SMYD1: variants seen among roughly 807,000 people sequenced by gnomAD.
SMYD1 encodes SET and MYND domain containing 1.
SMYD1 carries 49 observed loss-of-function variants against 54.0 expected under a neutral mutation model. The observed-to-expected ratio is 0.91, with a 90% CI of 0.72 to 1.15. The LOEUF is 1.15. Among genes scored for constraint, SMYD1 ranks in the 50% most tolerant of loss-of-function variants. The pLI, the probability that SMYD1 is intolerant of heterozygous loss-of-function variation, is 0.00. For synonymous variants in SMYD1, 269 were observed against 234.2 expected (o/e 1.15, Z -1.36); for missense variants, 653 against 639.6 (o/e 1.02, Z -0.23).
At chr2:88,102,507 A>C (rs767249983) in intron 6 of SMYD1, among the ~76,000 whole-genome samples, 20 of 152,200 alleles carry the variant, frequency 1.3e-4, no homozygotes, top group Non-Finnish European at 2.1e-4. Context: ...ATGCTAAGAC[A>C]TTTGGAAGAG....
chr2:88,091,042 C>G lies in SMYD1; in HGVS notation c.559C>G (p.Gln187Glu). 6.2e-7 allele frequency: 1 copy of G among 1,614,062 alleles called. No individual in the cohort carries two copies. The highest frequency in any genetic ancestry group is 8.5e-7 in the Non-Finnish European group (1 of 1,179,986). ...INCNGFTLSDQRGLQAVGVGI... is the reference protein window; with the variant it reads ...INCNGFTLSDERGLQAVGVGI... ...CTGCAACGGTTTTACTCTCAGTGAT[C>G]AGAGAGGCCTGCAGGCCGTGGGCGT... The change falls in exon 4 of 10, where the codon CAG becomes GAG. Residue 187 changes from glutamine (Q) to glutamate (E), a missense_variant. By Grantham distance (29) the Gln-to-Glu change is conservative (BLOSUM62 2). Transcript: ENST00000419482.
At chr2:88,092,045 C>G (rs1027996696) in intron 4 of SMYD1, among the ~76,000 whole-genome samples, 1 of 152,160 alleles carries the variant, frequency 6.6e-6, no homozygotes, top group Non-Finnish European at 1.5e-5. Context: ...TAGAGGGCCC[C>G]CAACAGCTCA....
chr2:88,088,218 T>A, intron 3 of SMYD1, 143 bp downstream of exon 3: 1 of 1,001,002 alleles, frequency 1.0e-6, no homozygotes. Context: ...TCTATTTCCA[T>A]AAAGGTCTCA....
intron 6 of SMYD1, among the ~76,000 whole-genome samples, chr2:88,100,058 TC>T (rs1214363505): frequency 2.1e-5 from 3 of 144,520 alleles, no homozygotes; most frequent in African/African-American, 5.2e-5. Flanking sequence ...CTCTGGCTCC[TC>T]CCCCCCTCTT....
At position 88,084,042 on chromosome 2, in the gene SMYD1, C is replaced by T. The variant is rs187016255; in HGVS notation, c.138-274C>T. The stretch of plus-strand genomic sequence containing the variant: ...CTGGGAGGCGGAGGTTGCAGTGAGC[C>T]GAGGTTGCAGTGAGCTGAGATCGTG... On this transcript the variant is annotated intron_variant, in intron 1 of 9. Coordinates refer to ENST00000419482, the MANE Select transcript of SMYD1 (RefSeq NM_198274.4). 2.5e-3 allele frequency among the ~76,000 whole-genome samples: 382 copies of T among 152,012 alleles called. 2 individuals are homozygous for T. Among genetic ancestry groups the T allele is most frequent in the Admixed American group, 6.2e-3 (95 of 15,280 alleles).
At position 88,087,952 on chromosome 2, in the gene SMYD1, C is replaced by T. The variant is rs138266399; in HGVS notation, c.405C>T (p.His135=). 2.5e-6 allele frequency: 4 copies of T among 1,614,120 alleles called. 1 individual carries two copies. In the South Asian group the frequency reaches 3.3e-5, roughly 13 times the overall value. The change falls in exon 3 of 10, where the codon CAC becomes CAT. Residue 135 remains histidine, a synonymous_variant. Transcript: ENST00000419482. The part of the protein sequence containing the change: ...CLVSVDDLQN[H]VEHFGEEEQK... ...TGTCCGTGGACGACTTGCAGAACCACGTGGAGCACTTTGGGGAGGAGGAGC... is the reference window on the plus strand; with the variant it reads ...TGTCCGTGGACGACTTGCAGAACCATGTGGAGCACTTTGGGGAGGAGGAGC...
At chr2:88,093,583 C>T in intron 5 of SMYD1, 28 bp downstream of exon 5, 1 of 1,613,898 alleles carries the variant, frequency 6.2e-7, no homozygotes, top group Non-Finnish European at 8.5e-7. Context: ...AGCATCCCTG[C>T]TCCTCTGACC....
intron 1 of SMYD1, among the ~76,000 whole-genome samples, chr2:88,070,955 A>AAAC (rs1673934578): frequency 6.6e-6 from 1 of 151,528 alleles, no homozygotes; most frequent in Non-Finnish European, 1.5e-5. Context: ...AAAAAAAAAA[A>AAAC]AAAAAAAAAA....
At chr2:88,095,931 G>T (rs1674576223) in intron 5 of SMYD1, among the ~76,000 whole-genome samples, 1 of 152,204 alleles carries the variant, frequency 6.6e-6, no homozygotes, top group Admixed American at 6.5e-5. Flanking sequence ...GAACTGAAAT[G>T]CCATCTGCCC....
intron 5 of SMYD1, 142 bp from the exon 6 acceptor site, chr2:88,096,453 C>T: frequency 1.4e-6 from 1 of 734,032 alleles, no homozygotes; most frequent in South Asian, 1.8e-5. Context: ...TCACATTTCT[C>T]CTTTTGTGGG....
intron 3 of SMYD1, among the ~76,000 whole-genome samples, chr2:88,089,816 T>A (rs1044717652): frequency 1.1e-4 from 17 of 151,882 alleles, no homozygotes; most frequent in African/African-American, 4.1e-4. Flanking sequence ...GATCTCAAAC[T>A]CCTGAGCTCA....
chr2:88,110,390 T>A lies in SMYD1; in HGVS notation c.1351T>A (p.Phe451Ile). The change falls in exon 10 of 10, where the codon TTC becomes ATC. Residue 451 changes from phenylalanine to isoleucine, a missense_variant. Phe to Ile is a conservative substitution (Grantham distance 21). Coordinates refer to ENST00000419482, the MANE Select transcript of SMYD1 (RefSeq NM_198274.4). ...RVQTEMELRM[F>I]RQNEFMYYKM... ...GCAGACGGAGATGGAGCTACGCATG[T>A]TCCGCCAGAACGAATTCATGTACTA... 1 of 1,613,062 alleles carries A rather than the reference T, an allele frequency of 6.2e-7. No homozygotes were observed. The highest frequency in any genetic ancestry group is 1.1e-5 in the South Asian group (1 of 90,640).
intron 7 of SMYD1, among the ~76,000 whole-genome samples, chr2:88,104,068 GC>G: frequency 6.6e-6 from 1 of 151,170 alleles, no homozygotes; most frequent in Middle Eastern, 3.4e-3. Context: ...CCAGGTTCAC[GC>G]CATTCTCCTG....
intron 5 of SMYD1, 23 bp downstream of exon 5, chr2:88,093,578 C>T (rs1288758137): frequency 1.2e-6 from 2 of 1,614,100 alleles, no homozygotes; most frequent in Admixed American, 3.3e-5. Flanking sequence ...TTTCAAGCAT[C>T]CCTGCTCCTC....
chr2:88,094,385 G>T (rs1438780636), intron 5 of SMYD1, among the ~76,000 whole-genome samples: 1 of 152,174 alleles, frequency 6.6e-6, no homozygotes, highest in Non-Finnish European at 1.5e-5. Flanking sequence ...TAAATAGGCT[G>T]CCTACTTGTG....
intron 5 of SMYD1, among the ~76,000 whole-genome samples, chr2:88,094,719 T>C (rs1674540047): frequency 6.6e-6 from 1 of 152,340 alleles, no homozygotes; most frequent in Admixed American, 6.5e-5. Context: ...GGCACAATCA[T>C]GATGGGAAGT....
rs35206605 is a variant in SMYD1 at position 88,110,234 on chromosome 2, T to TGTGTGTGTGTGTGTGG, written c.1315-120_1315-119insGTGTGTGTGTGTGTGG. The stretch of plus-strand genomic sequence containing the variant: ...GTGTGTGTGTGTGTGTGTGTGTGTG[T>TGTGTGTGTGTGTGTGG]ATTCTGAGGGGGTAGAGTTGAATCT... On this transcript the variant is annotated intron_variant, in intron 9 of 9. Transcript: ENST00000419482. 81 of 1,021,500 alleles carry TGTGTGTGTGTGTGTGG rather than the reference T, an allele frequency of 7.9e-5. 1 individual carries two copies. In the African/African-American group the frequency reaches 1.2e-3, roughly 15 times the overall value. 63.3% of individuals were successfully genotyped at this position (1,021,500 alleles called of 1,614,324 possible). A position where few individuals can be genotyped will look rare whatever the true frequency, so the allele number is the denominator to read the frequency against.
chr2:88,078,526 G>A (rs1036655854), intron 1 of SMYD1, among the ~76,000 whole-genome samples: 1 of 152,068 alleles, frequency 6.6e-6, no homozygotes, highest in Non-Finnish European at 1.5e-5. Flanking sequence ...CCAACTCTAG[G>A]TTTGACCTTC....
At chr2:88,086,620 G>C (rs533178770) in intron 2 of SMYD1, among the ~76,000 whole-genome samples, 1 of 152,104 alleles carries the variant, frequency 6.6e-6, no homozygotes, top group African/African-American at 2.4e-5. Context: ...TGGCTGCCTC[G>C]AGGCCTCCGC....
Sources: allele counts gnomAD v4.1 joint callset (sites outside exome capture counted in the v4.1 genomes callset), GRCh38; gene constraint gnomAD v4.1.1; transcripts MANE v1.5; gene names NCBI Gene and HGNC (gene_info 2026-07-23, HGNC 2026-07-21).